E2F3: variants seen among roughly 807,000 people sequenced by gnomAD.
E2F3 encodes E2F transcription factor 3, also known as transcription factor E2F3.
Under a neutral mutation model 44.4 loss-of-function variants are expected in E2F3, and 11 were observed. That is an observed-to-expected ratio of 0.25 (90% CI 0.16 to 0.41). E2F3 has a LOEUF of 0.41. Among genes scored for constraint, E2F3 ranks in the 10% least tolerant of loss-of-function variants. The pLI is 1.00. For synonymous variants in E2F3, 249 were observed against 253.0 expected (o/e 0.98, Z 0.15); for missense variants, 487 against 583.6 (o/e 0.83, Z 1.70).
intron 1 of E2F3, among the ~76,000 whole-genome samples, chr6:20,444,669 TG>T (rs1354965819): frequency 2.0e-5 from 3 of 152,210 alleles, no homozygotes; most frequent in Non-Finnish European, 4.4e-5. Context: ...GTACAACTTT[TG>T]TATCCTCACT....
At chr6:20,403,902 G>T (rs962738247) in intron 1 of E2F3, 9 of 985,876 alleles carry the variant, frequency 9.1e-6, no homozygotes, top group Non-Finnish European at 1.0e-5. Context: ...GGGCTGAAGC[G>T]GTGAGGGTAG....
intron 1 of E2F3, among the ~76,000 whole-genome samples, chr6:20,435,046 A>T (rs1439851757): frequency 6.6e-6 from 1 of 152,230 alleles, no homozygotes; most frequent in African/African-American, 2.4e-5. Flanking sequence ...GTGGTCCTGG[A>T]CAAGTGAGGT....
Position 20,480,871 on chromosome 6 carries a change from T to C in E2F3, c.506-335T>C, listed in dbSNP as rs557528780. 2.0e-5 allele frequency among the ~76,000 whole-genome samples: 3 copies of C among 152,302 alleles called. No individual in the cohort carries two copies. The South Asian group carries it at 6.2e-4, about 32-fold the overall frequency. ...TGCTGGTCCCCTGAGGCCACAGCAC[T>C]CTTTCATTCATTTGACAGATATTTT... is the stretch of plus-strand genomic sequence containing the variant. On this transcript the variant is annotated intron_variant, in intron 2 of 6. Transcript: ENST00000346618.
intron 1 of E2F3, among the ~76,000 whole-genome samples, chr6:20,411,203 A>G (rs1252038043): frequency 6.6e-6 from 1 of 152,218 alleles, no homozygotes; most frequent in African/African-American, 2.4e-5. Flanking sequence ...ACTAGCATGA[A>G]TGACACTATT....
intron 1 of E2F3, among the ~76,000 whole-genome samples, chr6:20,405,678 C>A (rs1448163959): frequency 6.6e-6 from 1 of 151,826 alleles, no homozygotes; most frequent in Non-Finnish European, 1.5e-5. Context: ...CAAAAATTAG[C>A]TGGGTGTGGT....
intron 1 of E2F3, among the ~76,000 whole-genome samples, chr6:20,432,683 G>A (rs559107056): frequency 6.6e-6 from 1 of 152,318 alleles, no homozygotes; most frequent in East Asian, 1.9e-4. Flanking sequence ...TGGGATAGAT[G>A]GAGGGAAGGT....
At chr6:20,435,015 A>G (rs940396942) in intron 1 of E2F3, among the ~76,000 whole-genome samples, 2 of 152,238 alleles carry the variant, frequency 1.3e-5, no homozygotes, top group Non-Finnish European at 1.5e-5. Flanking sequence ...TGCTCTGCAT[A>G]GCACCCATCT....
chr6:20,422,414 T>C (rs1404311885), intron 1 of E2F3, among the ~76,000 whole-genome samples: 1 of 152,218 alleles, frequency 6.6e-6, no homozygotes, highest in Non-Finnish European at 1.5e-5. Context: ...ATAAGGCTGT[T>C]TTGTTCTCGT....
At chr6:20,466,773 G>C (rs9356734) in intron 1 of E2F3, among the ~76,000 whole-genome samples, 140,989 of 151,210 alleles carry the variant, frequency 0.93, 65,805 homozygotes, top group East Asian at 1. Context: ...ATCTCCGCCT[G>C]CCGGGTTCAA....
chr6:20,447,483 C>T (rs1315927854), intron 1 of E2F3, among the ~76,000 whole-genome samples: 3 of 140,632 alleles, frequency 2.1e-5, no homozygotes, highest in Non-Finnish European at 4.6e-5. Context: ...CAGCTCTAAA[C>T]TTGAGCAGGT....
At chr6:20,403,792 C>G (rs1208731272) in intron 1 of E2F3, 3 of 1,498,722 alleles carry the variant, frequency 2.0e-6, no homozygotes, top group Non-Finnish European at 2.7e-6. Context: ...CCACCTCCCC[C>G]CGGAGCCAGG....
At chr6:20,403,613 C>T in intron 1 of E2F3, 1 of 477,278 alleles carries the variant, frequency 2.1e-6, no homozygotes, top group Non-Finnish European at 3.7e-6. Flanking sequence ...GGGGGGCACC[C>T]ACTTCCTCCT....
intron 1 of E2F3, among the ~76,000 whole-genome samples, chr6:20,436,478 CAG>C (rs1253677474): frequency 0.019 from 2,413 of 125,398 alleles, 73 homozygotes; most frequent in African/African-American, 0.065. Flanking sequence ...CACACACACA[CAG>C]AGAGAGAGAG....
At chr6:20,457,513 C>T (rs891010376) in intron 1 of E2F3, among the ~76,000 whole-genome samples, 1 of 151,906 alleles carries the variant, frequency 6.6e-6, no homozygotes, top group African/African-American at 2.4e-5. Context: ...TCCCAATTAA[C>T]GAACATCTAC....
rs537505973 is a variant in E2F3, at chr6:20,491,447, G to T, written c.*1017G>T. Reference sequence around the variant, plus strand: ...CCCATCGTGCTTCCATTCCCAGGAGGGGGAGCTTGGAGCGAGTCAGTCCTG... The same window carrying T: ...CCCATCGTGCTTCCATTCCCAGGAGTGGGAGCTTGGAGCGAGTCAGTCCTG... On this transcript the variant is annotated 3_prime_UTR_variant, in exon 7 of 7. Transcript: ENST00000346618. The T allele has an allele frequency of 9.8e-5, 22 of 224,270 alleles. No homozygotes were observed. Among genetic ancestry groups the T allele is most frequent in the African/African-American group, 4.5e-4 (20 of 44,886 alleles). 13.9% of individuals were successfully genotyped at this position (224,270 alleles called of 1,614,324 possible).
intron 1 of E2F3, among the ~76,000 whole-genome samples, chr6:20,462,859 C>CTTTTTTTT (rs780366667): frequency 6.1e-5 from 3 of 48,810 alleles, no homozygotes; most frequent in African/African-American, 7.8e-5. Context: ...CTCTCTCTCT[C>CTTTTTTTT]TTTTTTTTTT....
intron 1 of E2F3, among the ~76,000 whole-genome samples, chr6:20,423,157 A>G (rs2127590480): frequency 6.6e-6 from 1 of 152,356 alleles, no homozygotes; most frequent in South Asian, 2.1e-4. Flanking sequence ...AACGATGGGG[A>G]TATAGTCTGA....
At chr6:20,467,465 A>G (rs1263958732) in intron 1 of E2F3, among the ~76,000 whole-genome samples, 4 of 152,126 alleles carry the variant, frequency 2.6e-5, no homozygotes, top group Admixed American at 2.0e-4. Context: ...GATGATACCA[A>G]TCTAAAAAAT....
chr6:20,404,758 G>T (rs1038564174), intron 1 of E2F3, among the ~76,000 whole-genome samples: 1 of 152,182 alleles, frequency 6.6e-6, no homozygotes, highest in South Asian at 2.1e-4. Context: ...CAGCAGGGGG[G>T]AAACGGAGCA....
Sources: allele counts gnomAD v4.1 joint callset (sites outside exome capture counted in the v4.1 genomes callset), GRCh38; gene constraint gnomAD v4.1.1; transcripts MANE v1.5; gene names NCBI Gene and HGNC (gene_info 2026-07-23, HGNC 2026-07-21).